Variants in FARS2 observed in about 807,000 individuals in gnomAD.
The protein encoded by FARS2 is phenylalanine--tRNA ligase, mitochondrial.
A neutral mutation model predicts 46.4 loss-of-function variants in FARS2; 40 were observed. The observed-to-expected ratio is 0.86, with a 90% CI of 0.67 to 1.12. The LOEUF (loss-of-function observed/expected upper bound fraction) is 1.12, where lower values mean the gene tolerates loss of function less well. Among genes scored for constraint, FARS2 ranks in the 50% most tolerant of loss-of-function variants. FARS2 has a pLI of 0.00. For synonymous variants in FARS2, 234 were observed against 214.9 expected (o/e 1.09, Z -0.78); for missense variants, 513 against 567.9 (o/e 0.90, Z 0.98).
chr6:5,690,430 A>C (rs576682386), intron 6 of FARS2, among the ~76,000 whole-genome samples: 2,944 of 150,934 alleles, frequency 0.02, 98 homozygotes, highest in African/African-American at 0.067. Context: ...TTGTCTGTAA[A>C]GGATTTTATT....
At chr6:5,281,634 C>G (rs1431237760) in intron 1 of FARS2, among the ~76,000 whole-genome samples, 1 of 151,934 alleles carries the variant, frequency 6.6e-6, no homozygotes. Context: ...CTCCCACCCC[C>G]CCTGCCCCCG....
intron 6 of FARS2, among the ~76,000 whole-genome samples, chr6:5,697,024 G>T (rs574737067): frequency 6.6e-6 from 1 of 152,194 alleles, no homozygotes; most frequent in East Asian, 1.9e-4. Context: ...AGAAATAGGA[G>T]AAAATAGTTT....
chr6:5,643,507 C>T (rs1027320663), intron 6 of FARS2, among the ~76,000 whole-genome samples: 13 of 152,162 alleles, frequency 8.5e-5, no homozygotes, highest in African/African-American at 2.7e-4. Context: ...TTCATTCACT[C>T]GGTAAACATT....
chr6:5,597,962 A>T (rs1439416702), intron 5 of FARS2, among the ~76,000 whole-genome samples: 1 of 152,106 alleles, frequency 6.6e-6, no homozygotes, highest in East Asian at 1.9e-4. Context: ...TACAGTAGCT[A>T]CCCATGAAGC....
Sources: gnomAD v4.1 joint callset for allele counts (sites outside exome capture counted in the v4.1 genomes callset) on GRCh38, gnomAD v4.1.1 for gene constraint, MANE v1.5 for transcripts, NCBI Gene and HGNC (gene_info 2026-07-23, HGNC 2026-07-21) for gene names.